SLC1A2: variants seen among roughly 807,000 people sequenced by gnomAD.
SLC1A2 encodes the protein solute carrier family 1 member 2.
Under a neutral mutation model 48.8 loss-of-function variants are expected in SLC1A2, and 15 were observed. That is an observed-to-expected ratio of 0.31 (90% confidence interval 0.21 to 0.47). The LOEUF is 0.47. Ranked by LOEUF, SLC1A2 falls within the 20% of genes least tolerant of loss-of-function variation. The pLI is 0.99. For synonymous variants in SLC1A2, 279 were observed against 272.6 expected (o/e 1.02, Z -0.23); for missense variants, 502 against 730.5 (o/e 0.69, Z 3.61).
At chr11:35,282,432 G>A (rs1289656825) in intron 8 of SLC1A2, among the ~76,000 whole-genome samples, 2 of 152,176 alleles carry the variant, frequency 1.3e-5, no homozygotes, top group African/African-American at 4.8e-5. Flanking sequence ...TCTCTCTCAT[G>A]GGGTGGTCAG....
chr11:35,301,746 T>C (rs1851364226), intron 5 of SLC1A2, 101 bp from the exon 6 acceptor site: 3 of 1,066,298 alleles, frequency 2.8e-6, no homozygotes, highest in Non-Finnish European at 4.1e-6. Context: ...ATGTTCTCAC[T>C]GCTGGTTACC....
At chr11:35,296,674 C>T (rs538633286) in intron 6 of SLC1A2, among the ~76,000 whole-genome samples, 1 of 152,124 alleles carries the variant, frequency 6.6e-6, no homozygotes, top group East Asian at 1.9e-4. Context: ...TTGTTCTGAC[C>T]CTCAAAAGGC....
At chr11:35,367,049 G>C (rs572773086) in intron 1 of SLC1A2, among the ~76,000 whole-genome samples, 4 of 152,190 alleles carry the variant, frequency 2.6e-5, no homozygotes, top group African/African-American at 9.7e-5. Flanking sequence ...TAGCAGACTT[G>C]CTACTTACCT....
At chr11:35,292,131 A>G (rs921184020) in intron 7 of SLC1A2, 156 bp downstream of exon 7, 7 of 659,730 alleles carry the variant, frequency 1.1e-5, no homozygotes, top group African/African-American at 5.4e-5. Flanking sequence ...CTAGAAGGAG[A>G]CAAAAATTCA....
intron 1 of SLC1A2, among the ~76,000 whole-genome samples, chr11:35,357,932 G>A (rs564971671): frequency 6.6e-6 from 1 of 152,160 alleles, no homozygotes; most frequent in African/African-American, 2.4e-5. Context: ...AGATCACCAG[G>A]TCAAGAGATT....
intron 1 of SLC1A2, among the ~76,000 whole-genome samples, chr11:35,386,250 ATTTC>A (rs1472633075): frequency 6.6e-6 from 1 of 152,042 alleles, no homozygotes; most frequent in African/African-American, 2.4e-5. Flanking sequence ...TCCCTGCTAT[ATTTC>A]TTTCACACTC....
chr11:35,301,376 T>A (rs1851350713), intron 6 of SLC1A2, 143 bp downstream of exon 6: 1 of 706,456 alleles, frequency 1.4e-6, no homozygotes, highest in Admixed American at 2.9e-5. Context: ...AAAAAGATAT[T>A]TTCATCCCTT....
Position 35,259,230 on chromosome 11 carries a change from C to G in SLC1A2, c.*1664G>C, listed in dbSNP as rs1464110993. 1 of 152,590 alleles carries G rather than the reference C, an allele frequency of 6.6e-6. No individual in the cohort carries two copies. Among genetic ancestry groups the G allele is most frequent in the Admixed American group, 6.5e-5 (1 of 15,268 alleles). The allele number at this position is 152,590 out of a possible 1,614,324, so 9.5% of individuals were successfully genotyped here. A position where few individuals can be genotyped will look rare whatever the true frequency, so the allele number is the denominator to read the frequency against. On this transcript the variant is annotated 3_prime_UTR_variant, in exon 11 of 11. Transcript: ENST00000278379. ...GCAGATAAGAAAGGCTATTTGAGGTCCATAAGCACCCTCATCTCAGAGAAT... is the reference window on the plus strand; with the variant it reads ...GCAGATAAGAAAGGCTATTTGAGGTGCATAAGCACCCTCATCTCAGAGAAT...
chr11:35,369,789 G>A (rs1428068357), intron 1 of SLC1A2, among the ~76,000 whole-genome samples: 10 of 152,232 alleles, frequency 6.6e-5, no homozygotes, highest in Non-Finnish European at 1.3e-4. Flanking sequence ...ATGACAAGGT[G>A]TATGTATTCA....
intron 1 of SLC1A2, among the ~76,000 whole-genome samples, chr11:35,347,848 C>T (rs1373278399): frequency 6.6e-6 from 1 of 152,198 alleles, no homozygotes; most frequent in African/African-American, 2.4e-5. Flanking sequence ...GCTGAGTTTA[C>T]AGGTGTGAGC....
At chr11:35,354,868 C>A (rs1853399541) in intron 1 of SLC1A2, among the ~76,000 whole-genome samples, 2 of 152,224 alleles carry the variant, frequency 1.3e-5, no homozygotes, top group Non-Finnish European at 2.9e-5. Flanking sequence ...CTAGCCCCAA[C>A]AGAAACATGA....
rs753231273 is a variant in SLC1A2 at position 35,312,280 on chromosome 11, T to C, written c.479A>G (p.Asp160Gly). 6.2e-7 allele frequency: 1 copy of C among 1,614,094 alleles called. No individual in the cohort carries two copies. Among genetic ancestry groups the C allele is most frequent in the South Asian group, 1.1e-5 (1 of 91,072 alleles). The change falls in exon 4 of 11, where the codon GAT becomes GGT. Residue 160 changes from aspartate (D) to glycine (G), a missense_variant. Physicochemically the swap from Asp to Gly is moderately conservative, Grantham distance 94. Coordinates refer to ENST00000278379, the MANE Select transcript of SLC1A2 (RefSeq NM_004171.4). ...GAAGGCATCCAGGCTGGACACTTCA[T>C]CATTCTTCTTCCCAGGCCCCAGCTG... Reference protein sequence around the residue: ...KKQLGPGKKNDEVSSLDAFLD... With the variant: ...KKQLGPGKKNGEVSSLDAFLD...
chr11:35,411,791 A>G (rs1177843868), intron 1 of SLC1A2, among the ~76,000 whole-genome samples: 1 of 152,216 alleles, frequency 6.6e-6, no homozygotes, highest in Non-Finnish European at 1.5e-5. Flanking sequence ...GACATCTACA[A>G]ATAGGTTTGA....
In SLC1A2 at chr11:35,419,070, AAGAGGAG is replaced by A. The variant is rs1855701102; in HGVS notation, c.-111_-105del. ...CGAAGTGCGGCCGGGAGCGGTATTT[AAGAGGAG>A]CCTCTGCCCGCCCTTCCACCCGCCT... On this transcript the variant is annotated 5_prime_UTR_variant, in exon 1 of 11. Coordinates refer to ENST00000278379, the MANE Select transcript of SLC1A2 (RefSeq NM_004171.4). The surrounding 1 kb of genome is among the most constrained non-coding windows in gnomAD (Gnocchi z 5.4). 1.9e-6 allele frequency: 2 copies of A among 1,049,168 alleles called. No individual in the cohort carries two copies. Among genetic ancestry groups the A allele is most frequent in the African/African-American group, 3.3e-5 (2 of 61,160 alleles). 65.0% of individuals were successfully genotyped at this position (1,049,168 alleles called of 1,614,324 possible).
intron 1 of SLC1A2, chr11:35,322,798 A>G (rs7115450): frequency 0.78 from 556,178 of 715,390 alleles, 218,412 homozygotes; most frequent in East Asian, 0.95. Flanking sequence ...AGAACCAGGA[A>G]GCAGAGATTT....
intron 9 of SLC1A2, among the ~76,000 whole-genome samples, chr11:35,272,601 A>T (rs1591410705): frequency 6.6e-6 from 1 of 152,208 alleles, no homozygotes; most frequent in African/African-American, 2.4e-5. Flanking sequence ...TCATGTGTGG[A>T]AAGTTTCTTC....
Position 35,280,873 on chromosome 11 carries a change from C to G in SLC1A2, c.1415G>C (p.Trp472Ser), listed in dbSNP as rs1028779696. ...EDISLLVAVD[W>S]LLDRMRTSVN... is the part of the protein sequence containing the mutation. ...CCCATCCACAGACACTTACAGCAGC[C>G]AGTCCACAGCCACCAGCAGGCTGAT... The change falls in exon 9 of 11, where the codon TGG becomes TCG. Residue 472 changes from tryptophan (W) to serine (S), a missense_variant. This residue lies in a region of SLC1A2 where 309 missense variants were observed against 480.3 expected (regional missense o/e 0.64). Transcript: ENST00000278379. 6.2e-7 allele frequency: 1 copy of G among 1,606,304 alleles called. No homozygotes were observed. The highest frequency in any genetic ancestry group is 1.3e-5 in the African/African-American group (1 of 74,612).
At chr11:35,280,114 T>TA (rs1234114264) in intron 9 of SLC1A2, among the ~76,000 whole-genome samples, 1 of 152,224 alleles carries the variant, frequency 6.6e-6, no homozygotes, top group Non-Finnish European at 1.5e-5. Context: ...CCTTCCCAGT[T>TA]AATCTCTATC....
chr11:35,320,758 C>T (rs1308745015), intron 1 of SLC1A2, among the ~76,000 whole-genome samples: 1 of 152,170 alleles, frequency 6.6e-6, no homozygotes, highest in African/African-American at 2.4e-5. Flanking sequence ...TGCATTTATT[C>T]CACAAATTTC....
Sources: gnomAD v4.1 joint callset for allele counts (sites outside exome capture counted in the v4.1 genomes callset) on GRCh38, gnomAD v4.1.1 for gene constraint, gnomAD v4.1.1 regional missense constraint, Gnocchi (gnomAD v3.1) non-coding constraint, MANE v1.5 for transcripts, NCBI Gene and HGNC (gene_info 2026-07-23, HGNC 2026-07-21) for gene names.